TARS2: variants seen among roughly 807,000 people sequenced by gnomAD.
TARS2 encodes the protein threonine--tRNA ligase, mitochondrial.
A neutral mutation model predicts 94.4 loss-of-function variants in TARS2; 61 were observed. That is an observed-to-expected ratio of 0.65 (90% CI 0.53 to 0.80). The LOEUF (loss-of-function observed/expected upper bound fraction) is 0.80, where lower values mean the gene tolerates loss of function less well. TARS2 is among the 30% of genes least tolerant of loss of function. The pLI is 0.00. For synonymous variants in TARS2, 359 were observed against 353.4 expected (o/e 1.02, Z -0.18); for missense variants, 704 against 902.5 (o/e 0.78, Z 2.82).
chr1:150,506,478 ACG>A (rs200386469), intron 17 of TARS2, among the ~76,000 whole-genome samples: 1,113 of 42,178 alleles, frequency 0.026, 62 homozygotes, highest in African/African-American at 0.041. Flanking sequence ...CCCTTCAGAC[ACG>A]CGCGCGCACA....
At chr1:150,495,839 C>A (rs1417060083) in intron 7 of TARS2, among the ~76,000 whole-genome samples, 1 of 152,160 alleles carries the variant, frequency 6.6e-6, no homozygotes. Context: ...CCTGCCTCAG[C>A]CTCCCGAGTA....
At position 150,490,606 on chromosome 1, in the gene TARS2, C is replaced by T. The variant is rs199711849; in HGVS notation, c.393C>T (p.Phe131=). ...CCCCTTTTTTGTGAACCCAGGTGTT[C>T]TGGCACTCCAGCACCCATGTCCTGG... ...TFDSPEGKAV[F]WHSSTHVLGA... is the part of the protein sequence containing the mutation. Residue 131 remains phenylalanine, a synonymous_variant, in exon 4 of 18, where the codon TTC becomes TTT. Coordinates refer to ENST00000369064, the MANE Select transcript of TARS2 (RefSeq NM_025150.5). 6.2e-7 allele frequency: 1 copy of T among 1,612,934 alleles called. No homozygotes were observed. The highest frequency in any genetic ancestry group is 2.2e-5 in the East Asian group (1 of 44,824).
intron 17 of TARS2, among the ~76,000 whole-genome samples, chr1:150,506,492 A>G (rs1479749244): frequency 1.4e-4 from 17 of 121,960 alleles, no homozygotes; most frequent in Admixed American, 8.1e-4. Flanking sequence ...GCGCGCACAC[A>G]CACACACACA....
intron 7 of TARS2, among the ~76,000 whole-genome samples, chr1:150,494,437 T>G (rs1669554199): frequency 6.7e-6 from 1 of 148,838 alleles, no homozygotes; most frequent in Admixed American, 6.7e-5. Context: ...AGTTAAAAAG[T>G]GCTGTAAAAT....
At position 150,497,716 on chromosome 1, in the gene TARS2, G is replaced by A. The variant is rs587685186; in HGVS notation, c.1207G>A (p.Ala403Thr). The change falls in exon 10 of 18, where the codon GCC becomes ACC. Residue 403 changes from alanine (A) to threonine (T), a missense_variant. Around this residue, in one of 3 missense-constraint regions of TARS2, gnomAD observed 466 missense variants for 609.5 expected, o/e 0.76. Transcript: ENST00000369064. ...DSTRHITDTLALKPMNCPAHC... is the reference protein window; with the variant it reads ...DSTRHITDTLTLKPMNCPAHC... Reference sequence around the variant, plus strand: ...TACCAGGCATATCACAGATACACTCGCCCTCAAGCCTATGAACTGCCCTGC... The same window carrying A: ...TACCAGGCATATCACAGATACACTCACCCTCAAGCCTATGAACTGCCCTGC... The A allele has an allele frequency of 1.1e-5, 18 of 1,613,924 alleles. No homozygotes were observed. The highest frequency in any genetic ancestry group is 1.4e-5 in the Non-Finnish European group (16 of 1,179,982).
intron 7 of TARS2, 76 bp downstream of exon 7, chr1:150,492,565 A>C (rs1305559521): frequency 6.7e-7 from 1 of 1,491,120 alleles, no homozygotes; most frequent in Non-Finnish European, 9.3e-7. Flanking sequence ...TAATCCCAGC[A>C]CTTTGGGAGG....
chr1:150,491,931 A>AT, intron 6 of TARS2: 1 of 321,144 alleles, frequency 3.1e-6, no homozygotes, highest in Non-Finnish European at 5.8e-6. Flanking sequence ...AGTGGCTGGG[A>AT]TTACAGGCAT....
rs1336276964 is a variant in TARS2 at position 150,499,219 on chromosome 1, C to T, written c.1543C>T (p.Leu515Phe). The T allele has an allele frequency of 6.2e-7, 1 of 1,614,080 alleles. No homozygotes were observed. Among genetic ancestry groups the T allele is most frequent in the African/African-American group, 1.3e-5 (1 of 75,018 alleles). The change falls in exon 13 of 18, where the codon CTT becomes TTT. Residue 515 changes from leucine (L) to phenylalanine (F), a missense_variant. This residue lies in a region of TARS2 where 466 missense variants were observed against 609.5 expected (regional missense o/e 0.76). Coordinates refer to ENST00000369064, the MANE Select transcript of TARS2 (RefSeq NM_025150.5). ...PCLWDQAEQV[L>F]KQALKEFGEP... Reference sequence around the variant, plus strand: ...CTCTTGTCTCATTCCTTCAAAGGTCCTTAAACAGGCCCTGAAGGAATTTGG... The same window carrying T: ...CTCTTGTCTCATTCCTTCAAAGGTCTTTAAACAGGCCCTGAAGGAATTTGG...
rs369950455 is a variant in TARS2 at position 150,499,056 on chromosome 1, A to T, written c.1539+22A>T. On this transcript the variant is annotated intron_variant, in intron 12 of 17. Coordinates refer to ENST00000369064, the MANE Select transcript of TARS2 (RefSeq NM_025150.5). ...ACAGGTGAGTAGGAGGTAGAGAAAT[A>T]GAGGCAGATAAACCACTCTCTGGTG... The T allele has an allele frequency of 6.3e-5, 102 of 1,614,120 alleles. No individual in the cohort carries two copies. The African/African-American group carries it at 1.1e-3, about 17-fold the overall frequency.
At chr1:150,493,190 G>A (rs587773857) in intron 7 of TARS2, among the ~76,000 whole-genome samples, 6 of 152,106 alleles carry the variant, frequency 3.9e-5, no homozygotes, top group South Asian at 4.1e-4. Flanking sequence ...TAAGCTGAGC[G>A]GGGAATACAG....
intron 13 of TARS2, among the ~76,000 whole-genome samples, chr1:150,502,085 G>A: frequency 7.2e-6 from 1 of 138,770 alleles, no homozygotes. Flanking sequence ...GCTAATTTTT[G>A]TATTTTTAGT....
At chr1:150,491,306 A>C (rs1308604863) in intron 4 of TARS2, 88 bp from the exon 5 acceptor site, 19 of 1,284,860 alleles carry the variant, frequency 1.5e-5, no homozygotes, top group Non-Finnish European at 1.9e-5. Context: ...CTTGAAGGAC[A>C]GGACCTTACC....
chr1:150,501,877 A>G (rs112734539), intron 13 of TARS2, among the ~76,000 whole-genome samples: 1 of 151,190 alleles, frequency 6.6e-6, no homozygotes, highest in Non-Finnish European at 1.5e-5. Flanking sequence ...TTATATAGCT[A>G]AAATCTTTTT....
At chr1:150,491,533 G>A (rs775191019) in intron 5 of TARS2, 22 bp downstream of exon 5, 1 of 1,612,354 alleles carries the variant, frequency 6.2e-7, no homozygotes, top group South Asian at 1.1e-5. Context: ...GGAAGAGGTG[G>A]CTCTTCCAGG....
In TARS2 at chr1:150,496,596, G is replaced by A; in HGVS notation, c.889G>A (p.Ala297Thr). ...LRVWEAWREE[A>T]ELRDHRRIGK... ...GGTCTGGGAAGCATGGAGGGAGGAA[G>A]CAGAATTGCGGGACCACCGGCGCAT... The change falls in exon 8 of 18, where the codon GCA (alanine) becomes ACA (threonine). Residue 297 changes from alanine to threonine, a missense_variant. This residue lies in a region of TARS2 where 466 missense variants were observed against 609.5 expected (regional missense o/e 0.76). Coordinates refer to ENST00000369064, the MANE Select transcript of TARS2 (RefSeq NM_025150.5). 6.2e-7 allele frequency: 1 copy of A among 1,613,834 alleles called. No individual in the cohort carries two copies. The highest frequency in any genetic ancestry group is 8.5e-7 in the Non-Finnish European group (1 of 1,179,984).
intron 13 of TARS2, among the ~76,000 whole-genome samples, chr1:150,501,348 C>A (rs1669910994): frequency 8.2e-6 from 1 of 121,880 alleles, no homozygotes. Context: ...GACTATGTCT[C>A]GCTCTGCTGC....
Position 150,496,863 on chromosome 1 carries a change from G to T in TARS2, c.975G>T (p.Leu325=), listed in dbSNP as rs1669685027. The change falls in exon 9 of 18, where the codon CTG becomes CTT. Residue 325 remains leucine, a synonymous_variant. Transcript: ENST00000369064. The part of the protein sequence containing the change: ...HELSPGSCFF[L]PRGTRVYNAL... ...TGAGCCCTGGGAGCTGCTTCTTCCT[G>T]CCACGAGGGACAAGGGTGTATAATG... is the stretch of plus-strand genomic sequence containing the variant. The T allele has an allele frequency of 2.5e-6, 4 of 1,614,002 alleles. No homozygotes were observed. Among genetic ancestry groups the T allele is most frequent in the Non-Finnish European group, 3.4e-6 (4 of 1,180,038 alleles).
rs587723357 is a variant in TARS2, at chr1:150,501,286, G to A, written c.1617+1993G>A. On this transcript the variant is annotated intron_variant, in intron 13 of 17. Coordinates refer to ENST00000369064, the MANE Select transcript of TARS2 (RefSeq NM_025150.5). ...TAACAGGGCATCATAATAAGACCTC[G>A]TCTCTACAAAAAAAAATTTTTTTTT... Among the ~76,000 whole-genome samples the A allele has an allele frequency of 2.7e-3, 360 of 134,124 alleles. 2 individuals are homozygous for A. Among genetic ancestry groups the A allele is most frequent in the Non-Finnish European group, 3.2e-3 (206 of 64,222 alleles). 88.0% of individuals were successfully genotyped at this position (134,124 alleles called of 152,430 possible).
rs1264323347 is a variant in TARS2 at position 150,498,641 on chromosome 1, C to T, written c.1378C>T (p.His460Tyr). Residue 460 changes from histidine (H) to tyrosine (Y), a missense_variant, in exon 11 of 18, where the codon CAC (histidine) becomes TAC (tyrosine). This residue lies in a region of TARS2 where 466 missense variants were observed against 609.5 expected (regional missense o/e 0.76). Coordinates refer to ENST00000369064, the MANE Select transcript of TARS2 (RefSeq NM_025150.5). ...GCGGTGCTTCCAGCAGGATGACGCT[C>T]ACATCTTCTGTACAACAGATCAGGT... ...RLRCFQQDDA[H>Y]IFCTTDQLEA... The T allele has an allele frequency of 6.2e-7, 1 of 1,612,890 alleles. No homozygotes were observed. Among genetic ancestry groups the T allele is most frequent in the Non-Finnish European group, 8.5e-7 (1 of 1,179,648 alleles).
Sources: gnomAD v4.1 joint callset for allele counts (sites outside exome capture counted in the v4.1 genomes callset) on GRCh38, gnomAD v4.1.1 for gene constraint, gnomAD v4.1.1 regional missense constraint, MANE v1.5 for transcripts, NCBI Gene and HGNC (gene_info 2026-07-23, HGNC 2026-07-21) for gene names.